The following PTPRO variants were observed in gnomAD, a reference collection of about 807,000 sequenced individuals.
PTPRO encodes protein tyrosine phosphatase receptor type O.
PTPRO carries 62 observed loss-of-function variants against 145.2 expected under a neutral mutation model. The observed-to-expected ratio is 0.43, with a 90% CI of 0.35 to 0.53. The LOEUF is 0.53. Among genes scored for constraint, PTPRO ranks in the 20% least tolerant of loss-of-function variants. The probability of loss-of-function intolerance (pLI) is 0.01; values close to 1 mark genes in which losing one functional copy is unlikely to be tolerated. For missense variants in PTPRO, 1,345 were observed against 1,482.7 expected, an observed-to-expected ratio of 0.91 and a Z score of 1.53; for synonymous variants, 565 against 514.7, an observed-to-expected ratio of 1.10 and a Z score of -1.32.
At chr12:15,567,193 C>T (rs562404239) in intron 18 of PTPRO, among the ~76,000 whole-genome samples, 9 of 152,104 alleles carry the variant, frequency 5.9e-5, no homozygotes, top group African/African-American at 2.2e-4. Flanking sequence ...ACCTTCCCCC[C>T]TCTCATTTTC....
chr12:15,397,760 T>C (rs1939382600), intron 1 of PTPRO, among the ~76,000 whole-genome samples: 1 of 152,196 alleles, frequency 6.6e-6, no homozygotes, highest in South Asian at 2.1e-4. Context: ...ATTCTATCAG[T>C]TCTATGTGTT....
intron 1 of PTPRO, among the ~76,000 whole-genome samples, chr12:15,340,688 C>A (rs1420478531): frequency 6.6e-6 from 1 of 152,052 alleles, no homozygotes; most frequent in East Asian, 1.9e-4. Flanking sequence ...GTTTTAAATT[C>A]TTTTAAATCT....
At chr12:15,354,924 G>A (rs997088699) in intron 1 of PTPRO, among the ~76,000 whole-genome samples, 1 of 152,096 alleles carries the variant, frequency 6.6e-6, no homozygotes, top group Non-Finnish European at 1.5e-5. Flanking sequence ...GGTCCCTAAA[G>A]ACCCAAATCC....
chr12:15,382,790 G>A (rs1938903250), intron 1 of PTPRO, among the ~76,000 whole-genome samples: 1 of 152,166 alleles, frequency 6.6e-6, no homozygotes, highest in Admixed American at 6.5e-5. Flanking sequence ...TTGCAACTAA[G>A]TACAACTTCT....
chr12:15,471,447 A>G (rs944606540), intron 1 of PTPRO, among the ~76,000 whole-genome samples: 2 of 152,140 alleles, frequency 1.3e-5, no homozygotes, highest in Non-Finnish European at 2.9e-5. Context: ...CTCTATCTGA[A>G]AGGATACATT....
chr12:15,398,381 C>T (rs974066232), intron 1 of PTPRO, among the ~76,000 whole-genome samples: 4 of 151,664 alleles, frequency 2.6e-5, no homozygotes, highest in Admixed American at 1.3e-4. Context: ...TACTTTCTCT[C>T]GTTATGTTTT....
chr12:15,524,157 T>TAAAAA lies in PTPRO; in HGVS notation c.1892-641_1892-637dup, dbSNP rs34287474. 1.5e-4 allele frequency among the ~76,000 whole-genome samples: 19 copies of TAAAAA among 129,116 alleles called. 1 individual carries two copies. The highest frequency in any genetic ancestry group is 1.7e-4 in the African/African-American group (6 of 34,826). The allele number at this position is 129,116 out of a possible 152,430, so 84.7% of individuals were successfully genotyped here. On this transcript the variant is annotated intron_variant, in intron 10 of 26. Coordinates refer to ENST00000281171, the MANE Select transcript of PTPRO (RefSeq NM_030667.3). Reference sequence around the variant, plus strand: ...CAGTGTTAGAATTTAGCTTCGTGGCTAAAAAAAAAAAAAAAAAAAACTTGT... The same window carrying TAAAAA: ...CAGTGTTAGAATTTAGCTTCGTGGCTAAAAAAAAAAAAAAAAAAAAAAAAACTTGT...
intron 10 of PTPRO, among the ~76,000 whole-genome samples, chr12:15,522,085 A>G (rs1249179932): frequency 6.6e-6 from 1 of 152,202 alleles, no homozygotes; most frequent in African/African-American, 2.4e-5. Context: ...TTTCACATCT[A>G]TAAAATGGGT....
At position 15,470,466 on chromosome 12, in the gene PTPRO, C is replaced by G. The variant is rs546395439; in HGVS notation, c.76-13508C>G. 7.9e-5 allele frequency among the ~76,000 whole-genome samples: 12 copies of G among 152,214 alleles called. No individual in the cohort carries two copies. In the East Asian group the frequency reaches 1.7e-3, roughly 22 times the overall value. On this transcript the variant is annotated intron_variant, in intron 1 of 26. Transcript: ENST00000281171. Reference sequence around the variant, plus strand: ...TTGGTATATGACTATTATTATTACCCTACATATCACATAAAATCTTGGCAC... The same window carrying G: ...TTGGTATATGACTATTATTATTACCGTACATATCACATAAAATCTTGGCAC...
At chr12:15,467,661 G>T (rs1941447781) in intron 1 of PTPRO, among the ~76,000 whole-genome samples, 1 of 152,074 alleles carries the variant, frequency 6.6e-6, no homozygotes, top group Non-Finnish European at 1.5e-5. Context: ...TTTTAAGATT[G>T]GCTTAAAGTC....
At chr12:15,342,710 G>A (rs1425216025) in intron 1 of PTPRO, among the ~76,000 whole-genome samples, 3 of 152,116 alleles carry the variant, frequency 2.0e-5, no homozygotes, top group Admixed American at 6.5e-5. Flanking sequence ...TGCCCTGCTC[G>A]ACCAGGTGCT....
At chr12:15,525,015 G>A in intron 11 of PTPRO, 50 bp downstream of exon 11, 2 of 1,594,332 alleles carry the variant, frequency 1.3e-6, no homozygotes, top group Non-Finnish European at 1.7e-6. Context: ...TTAGTTTTAT[G>A]AACTATTGAA....
intron 25 of PTPRO, among the ~76,000 whole-genome samples, chr12:15,591,432 C>T (rs1198621748): frequency 6.6e-6 from 1 of 152,052 alleles, no homozygotes; most frequent in Non-Finnish European, 1.5e-5. Context: ...GACTTTTCTC[C>T]AACTACAGAT....
At chr12:15,440,678 T>C (rs1591814193) in intron 1 of PTPRO, among the ~76,000 whole-genome samples, 1 of 152,060 alleles carries the variant, frequency 6.6e-6, no homozygotes. Context: ...CTGGACAACA[T>C]AGGAAGGCCC....
intron 1 of PTPRO, among the ~76,000 whole-genome samples, chr12:15,465,736 G>A (rs1941401027): frequency 6.6e-6 from 1 of 152,188 alleles, no homozygotes; most frequent in African/African-American, 2.4e-5. Context: ...AAGCAGCCGG[G>A]GCATATGGAG....
chr12:15,533,073 G>T (rs1010793993), intron 12 of PTPRO, among the ~76,000 whole-genome samples: 1 of 152,114 alleles, frequency 6.6e-6, no homozygotes, highest in Non-Finnish European at 1.5e-5. Flanking sequence ...TCAAAGTCAT[G>T]AACTAGTACA....
At position 15,549,163 on chromosome 12, in the gene PTPRO, A is replaced by G. The variant is rs1204870518; in HGVS notation, c.2374A>G (p.Ser792Gly). ...TCTTCCTGCCACTGCCTACAATTGTAGTGTCACCAGCTTTAGCCATGACAG... is the reference window on the plus strand; with the variant it reads ...TCTTCCTGCCACTGCCTACAATTGTGGTGTCACCAGCTTTAGCCATGACAG... ...SLLPATAYNC[S>G]VTSFSHDSPS... Residue 792 changes from serine to glycine, a missense_variant, in exon 14 of 27, where the codon AGT becomes GGT. Physicochemically the swap from Ser to Gly is moderately conservative, Grantham distance 56. Around this residue, in one of 3 missense-constraint regions of PTPRO, gnomAD observed 1,130 missense variants for 1,214.7 expected, o/e 0.93. Transcript: ENST00000281171. 1.2e-6 allele frequency: 2 copies of G among 1,611,950 alleles called. No homozygotes were observed. Among genetic ancestry groups the G allele is most frequent in the Non-Finnish European group, 1.7e-6 (2 of 1,179,582 alleles).
At chr12:15,558,951 G>T (rs911501474) in intron 16 of PTPRO, among the ~76,000 whole-genome samples, 2 of 152,130 alleles carry the variant, frequency 1.3e-5, no homozygotes, top group Non-Finnish European at 2.9e-5. Flanking sequence ...ACCCTTGATG[G>T]TGAAAAGTTA....
chr12:15,512,050 T>C (rs995737225), intron 7 of PTPRO, among the ~76,000 whole-genome samples: 1 of 152,214 alleles, frequency 6.6e-6, no homozygotes, highest in Non-Finnish European at 1.5e-5. Context: ...GGTCAGCATT[T>C]ACACTTATAG....
Sources: gnomAD v4.1 joint callset for allele counts (sites outside exome capture counted in the v4.1 genomes callset) on GRCh38, gnomAD v4.1.1 for gene constraint, gnomAD v4.1.1 regional missense constraint, MANE v1.5 for transcripts, NCBI Gene and HGNC (gene_info 2026-07-23, HGNC 2026-07-21) for gene names.